Variants in RORB observed in about 807,000 individuals in gnomAD.
RORB encodes the protein RAR related orphan receptor B.
In RORB, 6 loss-of-function variants were observed where a neutral mutation model predicts 59.1. That is an observed-to-expected ratio of 0.10 (90% confidence interval 0.06 to 0.20). The LOEUF is 0.20. Among genes scored for constraint, RORB ranks in the 10% least tolerant of loss-of-function variants. The pLI, the probability that RORB is intolerant of heterozygous loss-of-function variation, is 1.00. For synonymous variants in RORB, 215 were observed against 204.5 expected (o/e 1.05, Z -0.44); for missense variants, 320 against 560.5 (o/e 0.57, Z 4.33).
In RORB at chr9:74,661,621, C is replaced by A. The variant is rs1824182947; in HGVS notation, c.760-853C>A. 2.1e-5 allele frequency among the ~76,000 whole-genome samples: 3 copies of A among 141,106 alleles called. No homozygotes were observed. The South Asian group carries it at 6.9e-4, about 32-fold the overall frequency. The allele number at this position is 141,106 out of a possible 152,430, so 92.6% of individuals were successfully genotyped here. A position where few individuals can be genotyped will look rare whatever the true frequency, so the allele number is the denominator to read the frequency against. ...TGATTTGATGTAATGCCTTTTTCCT[C>A]GGAATTCTTTTTTCCTTTTTTTTTT... On this transcript the variant is annotated intron_variant, in intron 5 of 9. Coordinates refer to ENST00000376896, the MANE Select transcript of RORB (RefSeq NM_006914.4).
chr9:74,582,883 TTC>T (rs1390453661), intron 1 of RORB, among the ~76,000 whole-genome samples: 1 of 152,194 alleles, frequency 6.6e-6, no homozygotes, highest in Non-Finnish European at 1.5e-5. Flanking sequence ...ATAAAAAAGA[TTC>T]ACTTTTTGGT....
chr9:74,611,260 A>G (rs2118357920), intron 1 of RORB, among the ~76,000 whole-genome samples: 1 of 152,328 alleles, frequency 6.6e-6, no homozygotes, highest in Admixed American at 6.5e-5. Context: ...CCAACAGGAC[A>G]GAAACAGACC....
chr9:74,537,866 A>G (rs1313767141), intron 1 of RORB, among the ~76,000 whole-genome samples: 2 of 152,034 alleles, frequency 1.3e-5, no homozygotes, highest in Non-Finnish European at 2.9e-5. Flanking sequence ...TTTAAAAAAT[A>G]TAGCATAGCC....
At chr9:74,568,302 A>AT (rs1214619599) in intron 1 of RORB, among the ~76,000 whole-genome samples, 4 of 151,846 alleles carry the variant, frequency 2.6e-5, no homozygotes, top group African/African-American at 4.8e-5. Flanking sequence ...AATTATTGTG[A>AT]TTTTTTTAGG....
At chr9:74,638,083 A>C (rs1312397542) in intron 3 of RORB, among the ~76,000 whole-genome samples, 1 of 152,194 alleles carries the variant, frequency 6.6e-6, no homozygotes, top group Non-Finnish European at 1.5e-5. Flanking sequence ...GAAGCTGAAA[A>C]GAGTTAAATT....
At chr9:74,548,991 C>A (rs1029073678) in intron 1 of RORB, among the ~76,000 whole-genome samples, 2 of 152,102 alleles carry the variant, frequency 1.3e-5, no homozygotes, top group Non-Finnish European at 2.9e-5. Flanking sequence ...CTATTTCAAT[C>A]TTTTATTTAA....
intron 1 of RORB, among the ~76,000 whole-genome samples, chr9:74,507,820 T>G (rs1825889459): frequency 6.6e-6 from 1 of 152,040 alleles, no homozygotes; most frequent in African/African-American, 2.4e-5. Context: ...AATTAAAGAC[T>G]TTTAAAGAAA....
intron 1 of RORB, among the ~76,000 whole-genome samples, chr9:74,551,279 AC>A (rs1453972556): frequency 6.6e-6 from 1 of 152,158 alleles, no homozygotes; most frequent in Non-Finnish European, 1.5e-5. Context: ...TACCCTTTTC[AC>A]TTAAAGCACT....
At position 74,664,150 on chromosome 9, in the gene RORB, C is replaced by T. The variant is rs566450015; in HGVS notation, c.893-1338C>T. On this transcript the variant is annotated intron_variant, in intron 6 of 9. Coordinates refer to ENST00000376896, the MANE Select transcript of RORB (RefSeq NM_006914.4). ...GCTAAACTCTCTAGATAGCAGTTTCCTCATTTGTAAAATAAAGAGATGGAC... is the reference window on the plus strand; with the variant it reads ...GCTAAACTCTCTAGATAGCAGTTTCTTCATTTGTAAAATAAAGAGATGGAC... Among the ~76,000 whole-genome samples, 6 of 152,284 alleles carry T rather than the reference C, an allele frequency of 3.9e-5. No individual in the cohort carries two copies. In the East Asian group the frequency reaches 1.2e-3, roughly 29 times the overall value.
rs528370315 is a variant in RORB at position 74,676,688 on chromosome 9, G to A, written c.1224+4787G>A. Among the ~76,000 whole-genome samples the A allele has an allele frequency of 5.9e-5, 9 of 152,330 alleles. No individual in the cohort carries two copies. In the East Asian group the frequency reaches 1.7e-3, roughly 29 times the overall value. On this transcript the variant is annotated intron_variant, in intron 9 of 9. Coordinates refer to ENST00000376896, the MANE Select transcript of RORB (RefSeq NM_006914.4). Reference sequence around the variant, plus strand: ...ATGTAGAGGAGTCTATAGTTACTTTGCTGAAGTTCACAATCTCCCTCTCTC... The same window carrying A: ...ATGTAGAGGAGTCTATAGTTACTTTACTGAAGTTCACAATCTCCCTCTCTC...
intron 1 of RORB, among the ~76,000 whole-genome samples, chr9:74,534,136 A>G (rs990610387): frequency 6.6e-5 from 10 of 151,964 alleles, no homozygotes; most frequent in East Asian, 1.9e-4. Flanking sequence ...TTTTCTTCCT[A>G]TGGTTAAAAT....
chr9:74,498,097 G>A, intron 1 of RORB, 114 bp downstream of exon 1: 1 of 1,236,392 alleles, frequency 8.1e-7, no homozygotes, highest in Non-Finnish European at 1.1e-6. Flanking sequence ...CCCAGGCGCA[G>A]TTCCCCGAAT....
chr9:74,645,617 G>GGTT (rs1196262870), intron 4 of RORB, among the ~76,000 whole-genome samples: 3 of 152,034 alleles, frequency 2.0e-5, no homozygotes, highest in Non-Finnish European at 2.9e-5. Context: ...TATTTTAATT[G>GGTT]ACTATTAGTA....
chr9:74,671,704 G>C, intron 8 of RORB, 85 bp from the exon 9 acceptor site: 1 of 678,172 alleles, frequency 1.5e-6, no homozygotes. Context: ...AATATGAAAT[G>C]GGTCTGAAGC....
chr9:74,577,123 TA>T (rs1822647788), intron 1 of RORB, among the ~76,000 whole-genome samples: 1 of 152,274 alleles, frequency 6.6e-6, no homozygotes, highest in East Asian at 1.9e-4. Context: ...GTTTACCCAT[TA>T]AAAACTATGT....
At chr9:74,517,365 T>A (rs1399390817) in intron 1 of RORB, among the ~76,000 whole-genome samples, 1 of 152,062 alleles carries the variant, frequency 6.6e-6, no homozygotes, top group Admixed American at 6.6e-5. Context: ...TAACTTGCAC[T>A]ATACTCGGTC....
intron 4 of RORB, among the ~76,000 whole-genome samples, chr9:74,650,958 A>T (rs1160552668): frequency 6.6e-6 from 1 of 152,206 alleles, no homozygotes; most frequent in East Asian, 1.9e-4. Flanking sequence ...ATTAACAATC[A>T]ATCCATATGT....
chr9:74,516,268 G>C (rs968286360), intron 1 of RORB, among the ~76,000 whole-genome samples: 9 of 151,950 alleles, frequency 5.9e-5, no homozygotes, highest in Admixed American at 5.9e-4. Flanking sequence ...TCATTAAGTG[G>C]CTTAACATTG....
At chr9:74,506,065 TA>T (rs1025142922) in intron 1 of RORB, among the ~76,000 whole-genome samples, 14 of 151,982 alleles carry the variant, frequency 9.2e-5, no homozygotes, top group African/African-American at 3.4e-4. Context: ...AATTCTTATT[TA>T]TTTTTTAAAA....
Sources: allele counts gnomAD v4.1 joint callset (sites outside exome capture counted in the v4.1 genomes callset), GRCh38; gene constraint gnomAD v4.1.1; transcripts MANE v1.5; gene names NCBI Gene and HGNC (gene_info 2026-07-23, HGNC 2026-07-21).